SLC25A13: variants seen among roughly 807,000 people sequenced by gnomAD.
SLC25A13 encodes solute carrier family 25 member 13, also known as electrogenic aspartate/glutamate antiporter SLC25A13, mitochondrial.
In SLC25A13, 70 loss-of-function variants were observed where a neutral mutation model predicts 85.5. That is an observed-to-expected ratio of 0.82 (90% CI 0.68 to 1.00). The LOEUF (loss-of-function observed/expected upper bound fraction) is 1.00. SLC25A13 is among the 50% of genes least tolerant of loss of function. The pLI, the probability that SLC25A13 is intolerant of heterozygous loss-of-function variation, is 0.00. For missense variants in SLC25A13, 765 were observed against 819.8 expected, an observed-to-expected ratio of 0.93 and a Z score of 0.82; for synonymous variants, 259 against 288.7, an observed-to-expected ratio of 0.90 and a Z score of 1.04.
chr7:96,250,666 G>A (rs911139220), intron 3 of SLC25A13, among the ~76,000 whole-genome samples: 4 of 144,972 alleles, frequency 2.8e-5, no homozygotes, highest in African/African-American at 7.6e-5. Context: ...TACTGTGGAA[G>A]CAGTCTACTT....
intron 3 of SLC25A13, among the ~76,000 whole-genome samples, chr7:96,245,648 TTACATCA>T (rs1797161327): frequency 6.6e-6 from 1 of 151,516 alleles, no homozygotes; most frequent in Admixed American, 6.6e-5. Context: ...TGCATTTTAA[TTACATCA>T]TGGATATTTT....
chr7:96,138,481 G>A (rs1398819629), intron 14 of SLC25A13, among the ~76,000 whole-genome samples: 2 of 144,006 alleles, frequency 1.4e-5, no homozygotes, highest in Non-Finnish European at 3.0e-5. Context: ...CTGCAGCCTT[G>A]ACCCCCTGGG....
At chr7:96,291,698 G>C (rs1402254212) in intron 2 of SLC25A13, among the ~76,000 whole-genome samples, 3 of 152,174 alleles carry the variant, frequency 2.0e-5, no homozygotes, top group African/African-American at 7.2e-5. Context: ...TAAATTCGTC[G>C]ACACATACAC....
At chr7:96,213,941 T>C (rs1795792545) in intron 4 of SLC25A13, among the ~76,000 whole-genome samples, 1 of 152,212 alleles carries the variant, frequency 6.6e-6, no homozygotes, top group Non-Finnish European at 1.5e-5. Context: ...TAAAGTAAAG[T>C]ATAATTGTTG....
chr7:96,211,925 T>A (rs1795713202), intron 4 of SLC25A13, among the ~76,000 whole-genome samples: 1 of 152,234 alleles, frequency 6.6e-6, no homozygotes, highest in Non-Finnish European at 1.5e-5. Context: ...GTTTTCCTGA[T>A]GCAAGGGTCC....
rs554133138 is a variant in SLC25A13, at chr7:96,168,257, C to T, written c.1311+1788G>A. On this transcript the variant is annotated intron_variant, in intron 13 of 17. Coordinates refer to ENST00000265631, the MANE Select transcript of SLC25A13 (RefSeq NM_014251.3). ...CTTAACTGAAAATAAACTCTTACTT[C>T]TTAAAGTAATGATTGGGGGGGAAAA... Among the ~76,000 whole-genome samples the T allele has an allele frequency of 2.7e-4, 41 of 152,006 alleles. No individual in the cohort carries two copies. In the South Asian group the frequency reaches 3.3e-3, roughly 12 times the overall value.
chr7:96,265,997 C>T (rs1382116026), intron 3 of SLC25A13, among the ~76,000 whole-genome samples: 1 of 152,194 alleles, frequency 6.6e-6, no homozygotes, highest in East Asian at 1.9e-4. Flanking sequence ...ATGACCTAAT[C>T]ACCTCCCCAA....
chr7:96,122,056 C>G, intron 15 of SLC25A13, 59 bp from the exon 16 acceptor site: 1 of 1,606,910 alleles, frequency 6.2e-7, no homozygotes, highest in Non-Finnish European at 8.5e-7. Flanking sequence ...ATAAAAATAA[C>G]TGTGCTTTGA....
At chr7:96,277,081 G>A in intron 3 of SLC25A13, 115 bp downstream of exon 3, 1 of 1,001,210 alleles carries the variant, frequency 1.0e-6, no homozygotes, top group South Asian at 1.8e-5. Context: ...AGTAAGTACA[G>A]AAAATGGTCC....
At chr7:96,211,102 A>G (rs1795675615) in intron 4 of SLC25A13, among the ~76,000 whole-genome samples, 1 of 152,218 alleles carries the variant, frequency 6.6e-6, no homozygotes, top group Admixed American at 6.5e-5. Flanking sequence ...ACATGAAAGT[A>G]GGTTTAAGTT....
intron 4 of SLC25A13, among the ~76,000 whole-genome samples, chr7:96,224,593 T>G (rs1303878668): frequency 6.6e-6 from 1 of 152,156 alleles, no homozygotes; most frequent in Non-Finnish European, 1.5e-5. Flanking sequence ...TGGGTAAAAC[T>G]CACATCGTGT....
At chr7:96,297,766 C>T (rs1158718248) in intron 1 of SLC25A13, among the ~76,000 whole-genome samples, 1 of 152,210 alleles carries the variant, frequency 6.6e-6, no homozygotes, top group Non-Finnish European at 1.5e-5. Context: ...ACCTCTCCTC[C>T]TCTCCTCAGT....
At chr7:96,294,159 T>C (rs935904004) in intron 2 of SLC25A13, among the ~76,000 whole-genome samples, 7 of 151,952 alleles carry the variant, frequency 4.6e-5, no homozygotes, top group Non-Finnish European at 7.4e-5. Context: ...AAACCATCAT[T>C]CTCAGCAAAC....
intron 4 of SLC25A13, among the ~76,000 whole-genome samples, chr7:96,212,321 G>A (rs1795731438): frequency 6.6e-6 from 1 of 152,204 alleles, no homozygotes; most frequent in Non-Finnish European, 1.5e-5. Flanking sequence ...AGCACAGCTT[G>A]GGAGCACTGT....
intron 15 of SLC25A13, among the ~76,000 whole-genome samples, chr7:96,126,148 G>A (rs1320161554): frequency 6.6e-6 from 1 of 152,122 alleles, no homozygotes; most frequent in Middle Eastern, 3.2e-3. Flanking sequence ...TCACCCACAG[G>A]TCTCTCTCCT....
At chr7:96,277,137 G>A (rs1449487276) in intron 3 of SLC25A13, 59 bp downstream of exon 3, 9 of 1,501,354 alleles carry the variant, frequency 6.0e-6, no homozygotes, top group Middle Eastern at 2.4e-4. Context: ...GGTCATTAGA[G>A]CAAAAGAAAG....
At chr7:96,203,251 G>A (rs141885838) in intron 5 of SLC25A13, among the ~76,000 whole-genome samples, 4 of 152,222 alleles carry the variant, frequency 2.6e-5, no homozygotes, top group East Asian at 1.9e-4. Flanking sequence ...CCAGAGCATC[G>A]CAATTTAGGA....
rs536712006 is a variant in SLC25A13, at chr7:96,205,723, C to G, written c.468+3115G>C. On this transcript the variant is annotated intron_variant, in intron 5 of 17. Coordinates refer to ENST00000265631, the MANE Select transcript of SLC25A13 (RefSeq NM_014251.3). The stretch of plus-strand genomic sequence containing the variant: ...CAGTCAAGTTTAGCTCAAATAATAT[C>G]AAATTGATTCACCACTTTATGACTT... 8.5e-5 allele frequency among the ~76,000 whole-genome samples: 13 copies of G among 152,258 alleles called. No individual in the cohort carries two copies. The East Asian group carries it at 2.3e-3, about 27-fold the overall frequency.
At chr7:96,238,405 T>TC (rs398111608) in intron 3 of SLC25A13, among the ~76,000 whole-genome samples, 2 of 151,266 alleles carry the variant, frequency 1.3e-5, no homozygotes, top group African/African-American at 4.9e-5. Flanking sequence ...TTTTTTTTTT[T>TC]AAAGCTTCCC....
Sources: allele counts gnomAD v4.1 joint callset (sites outside exome capture counted in the v4.1 genomes callset), GRCh38; gene constraint gnomAD v4.1.1; transcripts MANE v1.5; gene names NCBI Gene and HGNC (gene_info 2026-07-23, HGNC 2026-07-21).